CCDC144A: variants seen among roughly 807,000 people sequenced by gnomAD.
The protein encoded by CCDC144A is coiled-coil domain-containing protein 144A.
Under a neutral mutation model 143.8 loss-of-function variants are expected in CCDC144A, and 41 were observed. The observed-to-expected ratio is 0.29, with a 90% CI of 0.22 to 0.37. The LOEUF (loss-of-function observed/expected upper bound fraction) is 0.37. CCDC144A is among the 10% of genes least tolerant of loss of function. The probability of loss-of-function intolerance (pLI) is 1.00; values close to 1 mark genes in which losing one functional copy is unlikely to be tolerated. For synonymous variants in CCDC144A, 242 were observed against 517.9 expected (o/e 0.47, Z 7.23); for missense variants, 637 against 1,488.8 (o/e 0.43, Z 9.41).
intron 12 of CCDC144A, chr17:16,746,873 T>C (rs1914556784): frequency 5.9e-6 from 4 of 673,292 alleles, no homozygotes; most frequent in Middle Eastern, 3.8e-4. Context: ...CTCTCCCTTC[T>C]CTCCCTTCTC....
At chr17:16,745,774 G>A in intron 12 of CCDC144A, 2 of 1,612,116 alleles carry the variant, frequency 1.2e-6, no homozygotes, top group Non-Finnish European at 8.5e-7. Context: ...TTTGCCAGTC[G>A]CTCTTTTCTG....
In CCDC144A at chr17:16,754,220, TA is replaced by T. The variant is rs540756708; in HGVS notation, c.3373-7204del. Among the ~76,000 whole-genome samples, 18 of 152,374 alleles carry T rather than the reference TA, an allele frequency of 1.2e-4. 1 individual carries two copies. In the East Asian group the frequency reaches 3.5e-3, roughly 29 times the overall value. On this transcript the variant is annotated intron_variant, in intron 12 of 16. Transcript: ENST00000399273. ...GTTTTCTCTTTTTTCTTGTTTAATG[TA>T]GTTTGCAGTTTTGCTTTATTAGTCT... is the stretch of plus-strand genomic sequence containing the variant.
intron 5 of CCDC144A, among the ~76,000 whole-genome samples, chr17:16,711,086 C>T (rs1912379697): frequency 1.7e-5 from 2 of 118,014 alleles, no homozygotes; most frequent in South Asian, 5.9e-4. Flanking sequence ...TTGTGGCAGA[C>T]TTGTATTTCA....
At chr17:16,733,856 G>A (rs1327905000) in intron 11 of CCDC144A, among the ~76,000 whole-genome samples, 1 of 152,224 alleles carries the variant, frequency 6.6e-6, no homozygotes, top group Non-Finnish European at 1.5e-5. Flanking sequence ...CTTGGTACAA[G>A]GCCAGGTGCA....
chr17:16,772,267 G>T (rs1260388285), intron 16 of CCDC144A, among the ~76,000 whole-genome samples: 1 of 151,996 alleles, frequency 6.6e-6, no homozygotes, highest in Non-Finnish European at 1.5e-5. Flanking sequence ...CTTCACTTCT[G>T]CCATCCCTAT....
intron 15 of CCDC144A, among the ~76,000 whole-genome samples, chr17:16,770,205 A>G (rs559398872): frequency 6.6e-6 from 1 of 152,046 alleles, no homozygotes; most frequent in South Asian, 2.1e-4. Flanking sequence ...GCTGGAGTGC[A>G]GTGGCACGAT....
intron 2 of CCDC144A, among the ~76,000 whole-genome samples, chr17:16,700,291 A>T (rs1171311989): frequency 4.6e-5 from 7 of 152,154 alleles, no homozygotes; most frequent in Non-Finnish European, 1.0e-4. Flanking sequence ...CACATGTGCA[A>T]TGTTGTCTAC....
intron 12 of CCDC144A, among the ~76,000 whole-genome samples, chr17:16,759,348 T>C (rs1284697282): frequency 1.8e-4 from 27 of 152,224 alleles, no homozygotes; most frequent in Non-Finnish European, 8.8e-5. Context: ...TATCATGTCA[T>C]TACTCAACAC....
chr17:16,734,421 G>A (rs962603729), intron 11 of CCDC144A, among the ~76,000 whole-genome samples: 4 of 152,128 alleles, frequency 2.6e-5, no homozygotes, highest in Non-Finnish European at 5.9e-5. Context: ...TGAGTTTGTT[G>A]TAATTTGGAG....
intron 15 of CCDC144A, 175 bp downstream of exon 15, chr17:16,764,350 T>C: frequency 1.4e-6 from 2 of 1,411,956 alleles, no homozygotes; most frequent in Non-Finnish European, 1.9e-6. Flanking sequence ...GGAGCTCTCA[T>C]TGATAAGAGA....
intron 15 of CCDC144A, among the ~76,000 whole-genome samples, chr17:16,768,971 A>G (rs1253811605): frequency 1.3e-5 from 2 of 152,186 alleles, no homozygotes; most frequent in Non-Finnish European, 1.5e-5. Flanking sequence ...TTCTGAGTTC[A>G]GAACACAGGA....
chr17:16,726,715 G>C (rs1913448655), intron 8 of CCDC144A, among the ~76,000 whole-genome samples: 1 of 152,146 alleles, frequency 6.6e-6, no homozygotes, highest in African/African-American at 2.4e-5. Context: ...CACATGTGCT[G>C]TTTGTTACTC....
intron 12 of CCDC144A, among the ~76,000 whole-genome samples, chr17:16,753,441 T>TGTTGTTGTTG (rs1567606577): frequency 1.5e-4 from 19 of 126,220 alleles, no homozygotes; most frequent in African/African-American, 6.6e-4. Flanking sequence ...TTTTTTTTTT[T>TGTTGTTGTTG]TTTTTTTTTT....
chr17:16,697,873 T>G (rs1331440255), intron 2 of CCDC144A, among the ~76,000 whole-genome samples: 1 of 152,210 alleles, frequency 6.6e-6, no homozygotes, highest in Admixed American at 6.5e-5. Context: ...GGGAGAAATC[T>G]CAGATGATTC....
At chr17:16,767,035 C>T (rs1388726132) in intron 15 of CCDC144A, 3 of 152,444 alleles carry the variant, frequency 2.0e-5, no homozygotes, top group African/African-American at 7.2e-5. Flanking sequence ...AGGCTCACAC[C>T]TGTAATCCCA....
chr17:16,674,949 A>G, the CCDC144A span, among the ~76,000 whole-genome samples: 5 of 152,086 alleles, frequency 3.3e-5, no homozygotes, highest in Non-Finnish European at 5.9e-5. Flanking sequence ...GAAGTTGCAT[A>G]TATATTTTAA....
chr17:16,770,272 C>T lies in CCDC144A; in HGVS notation c.4099-1705C>T, dbSNP rs1211716607. On this transcript the variant is annotated intron_variant, in intron 15 of 16. Coordinates refer to ENST00000399273, the MANE Select transcript of CCDC144A (RefSeq NM_001382000.1). ...TCACACCATTCTCCTGCCTCAGCCTCCTGAGTAGCTGGGACTACAGGCGCC... is the reference window on the plus strand; with the variant it reads ...TCACACCATTCTCCTGCCTCAGCCTTCTGAGTAGCTGGGACTACAGGCGCC... Among the ~76,000 whole-genome samples, 8 of 152,300 alleles carry T rather than the reference C, an allele frequency of 5.3e-5. No homozygotes were observed. In the South Asian group the frequency reaches 1.7e-3, roughly 32 times the overall value.
chr17:16,700,556 CT>C (rs1226026942), intron 2 of CCDC144A, among the ~76,000 whole-genome samples: 5 of 152,058 alleles, frequency 3.3e-5, no homozygotes, highest in African/African-American at 1.2e-4. Context: ...GCAAGCAAGC[CT>C]TTCTAAGGAT....
rs957202530 is a variant in CCDC144A at position 16,775,596 on chromosome 17, G to A, written c.*1963G>A. ...TTGTTTAAGTTCCTTGTAGATGCTG[G>A]ATATTAGACCTTTGTCAGATGGATA... On this transcript the variant is annotated 3_prime_UTR_variant, in exon 17 of 17. Coordinates refer to ENST00000399273, the MANE Select transcript of CCDC144A (RefSeq NM_001382000.1). 6.6e-6 allele frequency: 1 copy of A among 152,176 alleles called. No individual in the cohort carries two copies. The allele number at this position is 152,176 out of a possible 1,614,324, so 9.4% of individuals were successfully genotyped here.
Sources: gnomAD v4.1 joint callset for allele counts (sites outside exome capture counted in the v4.1 genomes callset) on GRCh38, gnomAD v4.1.1 for gene constraint, MANE v1.5 for transcripts, NCBI Gene and HGNC (gene_info 2026-07-23, HGNC 2026-07-21) for gene names.